The following IL18 variants were observed in gnomAD, a reference collection of about 807,000 sequenced individuals.
IL18 encodes the protein interleukin-18.
Under a neutral mutation model 14.2 loss-of-function variants are expected in IL18, and 8 were observed. The observed-to-expected ratio is 0.56, with a 90% CI of 0.33 to 1.01. IL18 has a LOEUF of 1.01. IL18 is among the 50% of genes least tolerant of loss of function. The pLI is 0.03. For missense variants in IL18, 166 were observed against 231.1 expected, an observed-to-expected ratio of 0.72 and a Z score of 1.83; for synonymous variants, 67 against 71.0, an observed-to-expected ratio of 0.94 and a Z score of 0.28.
At chr11:112,145,744 A>C (rs1866328286) in intron 5 of IL18, among the ~76,000 whole-genome samples, 1 of 142,512 alleles carries the variant, frequency 7.0e-6, no homozygotes, top group Non-Finnish European at 1.6e-5. Flanking sequence ...GTTTCAAAAA[A>C]AAAGAAAAAA....
intron 1 of IL18, among the ~76,000 whole-genome samples, chr11:112,157,670 T>G (rs1866556822): frequency 6.6e-6 from 1 of 152,122 alleles, no homozygotes; most frequent in Non-Finnish European, 1.5e-5. Context: ...AAGCAGGCAT[T>G]TTCAAGGCCA....
At chr11:112,162,383 C>T (rs1455984472) in intron 1 of IL18, among the ~76,000 whole-genome samples, 2 of 150,094 alleles carry the variant, frequency 1.3e-5, no homozygotes, top group Admixed American at 1.3e-4. Flanking sequence ...CTCTATCACC[C>T]AGGCTGGAGT....
At chr11:112,145,860 G>A (rs1866332290) in intron 5 of IL18, among the ~76,000 whole-genome samples, 1 of 152,176 alleles carries the variant, frequency 6.6e-6, no homozygotes, top group Admixed American at 6.5e-5. Flanking sequence ...ATAGAGGTAA[G>A]GACATCCTTG....
At chr11:112,160,587 GA>G (rs1753375698) in intron 1 of IL18, among the ~76,000 whole-genome samples, 1 of 152,140 alleles carries the variant, frequency 6.6e-6, no homozygotes, top group Admixed American at 6.5e-5. Context: ...CACCTGGAAA[GA>G]GCTTACCACA....
chr11:112,154,555 A>G (rs1866500772), intron 2 of IL18, among the ~76,000 whole-genome samples: 1 of 152,172 alleles, frequency 6.6e-6, no homozygotes, highest in South Asian at 2.1e-4. Context: ...ACATATTTAC[A>G]TAAAATGGTG....
chr11:112,145,611 C>T (rs1032249858), intron 5 of IL18, among the ~76,000 whole-genome samples: 2 of 152,104 alleles, frequency 1.3e-5, no homozygotes, highest in South Asian at 2.1e-4. Flanking sequence ...TGGTGGCAGG[C>T]GCCTGTAGTC....
At position 112,154,978 on chromosome 11, in the gene IL18, T is replaced by C; in HGVS notation, c.76A>G (p.Ile26Val). ...TGTTCTATGGCATTAGCCTTACCTA[T>C]AAAGTAAAGCGTATTGTCAATAAAT... ...MKFIDNTLYF[I>V]AEDDENLESD... is the part of the protein sequence containing the mutation. The change falls in exon 2 of 6, where the codon ATA (isoleucine) becomes GTA (valine). Residue 26 changes from isoleucine (I) to valine (V), a missense_variant. Transcript: ENST00000280357. 2 of 1,593,304 alleles carry C rather than the reference T, an allele frequency of 1.3e-6. No homozygotes were observed. Among genetic ancestry groups the C allele is most frequent in the South Asian group, 1.1e-5 (1 of 90,570 alleles).
chr11:112,156,987 C>T (rs1866545445), intron 1 of IL18, among the ~76,000 whole-genome samples: 1 of 152,004 alleles, frequency 6.6e-6, no homozygotes, highest in Non-Finnish European at 1.5e-5. Context: ...TAAGTCTAAA[C>T]ATTTTTCACC....
At chr11:112,146,381 T>C (rs1866343331) in intron 5 of IL18, among the ~76,000 whole-genome samples, 1 of 151,836 alleles carries the variant, frequency 6.6e-6, no homozygotes, top group Admixed American at 6.6e-5. Flanking sequence ...AGTGCAGTGG[T>C]GCGATCTCAG....
Position 112,143,598 on chromosome 11 carries a change from A to G in IL18, c.580T>C (p.Ter194GlnextTer14). The change falls in exon 6 of 6, where the codon TAG becomes CAG. Residue 194 changes from the stop codon to glutamine (Q), a stop_lost. Coordinates refer to ENST00000280357, the MANE Select transcript of IL18 (RefSeq NM_001562.4). The part of the protein sequence containing the change: ...SIMFTVQNED[*>Q] ...CGCCCGGCATGAAATTTTAATAGCT[A>G]GTCTTCGTTTTGAACAGTGAACATT... 1 of 1,600,936 alleles carries G rather than the reference A, an allele frequency of 6.2e-7. No individual in the cohort carries two copies. Among genetic ancestry groups the G allele is most frequent in the Non-Finnish European group, 8.5e-7 (1 of 1,170,056 alleles).
intron 1 of IL18, among the ~76,000 whole-genome samples, chr11:112,162,176 G>T (rs1866642905): frequency 6.6e-6 from 1 of 152,136 alleles, no homozygotes; most frequent in Admixed American, 6.5e-5. Flanking sequence ...TGGAACTGAT[G>T]TAGTTTAAAT....
intron 5 of IL18, among the ~76,000 whole-genome samples, chr11:112,146,752 C>A (rs116773425): frequency 7.9e-5 from 12 of 151,670 alleles, no homozygotes; most frequent in African/African-American, 1.9e-4. Flanking sequence ...TCTCTCCCCC[C>A]CTCCAACTAA....
intron 5 of IL18, among the ~76,000 whole-genome samples, chr11:112,145,055 G>A (rs45447391): frequency 2.6e-5 from 4 of 152,184 alleles, no homozygotes; most frequent in Non-Finnish European, 5.9e-5. Flanking sequence ...CCTCATGGCA[G>A]CACAGATTCC....
chr11:112,146,688 G>A (rs942836489), intron 5 of IL18, among the ~76,000 whole-genome samples: 1 of 151,978 alleles, frequency 6.6e-6, no homozygotes, highest in African/African-American at 2.4e-5. Flanking sequence ...CTTATTAGTG[G>A]CAGGAAAAGG....
intron 5 of IL18, among the ~76,000 whole-genome samples, chr11:112,146,195 GAC>G (rs1291481531): frequency 1.3e-5 from 2 of 152,064 alleles, no homozygotes; most frequent in Admixed American, 6.6e-5. Flanking sequence ...ATATGAAACA[GAC>G]ACTGACAGTA....
Position 112,144,924 on chromosome 11 carries a change from C to T in IL18, c.361-1107G>A, listed in dbSNP as rs5744285. Among the ~76,000 whole-genome samples the T allele has an allele frequency of 5.3e-3, 802 of 152,360 alleles. 7 individuals are homozygous for T. The highest frequency in any genetic ancestry group is 0.018 in the African/African-American group (742 of 41,588). ...CAGGTTATCCAACTGGTAGTGCTGC[C>T]TGCACTTTTCCTGTTAGTGCAGCAT... On this transcript the variant is annotated intron_variant, in intron 5 of 5. Coordinates refer to ENST00000280357, the MANE Select transcript of IL18 (RefSeq NM_001562.4).
intron 1 of IL18, among the ~76,000 whole-genome samples, chr11:112,163,498 C>T (rs1242648689): frequency 6.6e-6 from 1 of 152,102 alleles, no homozygotes; most frequent in African/African-American, 2.4e-5. Context: ...TTGCAATAGT[C>T]TGAATGCAAA....
rs556403789 is a variant in IL18, at chr11:112,149,653, T to C, written c.226+419A>G. ...TGGCTATTCACAGGTACGATCACAG[T>C]GTACTACAGCCTCAAAGTCCTGGCC... On this transcript the variant is annotated intron_variant, in intron 4 of 5. Coordinates refer to ENST00000280357, the MANE Select transcript of IL18 (RefSeq NM_001562.4). 6.7e-5 allele frequency among the ~76,000 whole-genome samples: 10 copies of C among 148,658 alleles called. No individual in the cohort carries two copies. The South Asian group carries it at 1.9e-3, about 29-fold the overall frequency.
At chr11:112,154,156 GC>G (rs1280693449) in intron 2 of IL18, among the ~76,000 whole-genome samples, 1 of 152,056 alleles carries the variant, frequency 6.6e-6, no homozygotes, top group Non-Finnish European at 1.5e-5. Context: ...TGTTGCTCAG[GC>G]TTTTAAATGA....
Sources: gnomAD v4.1 joint callset for allele counts (sites outside exome capture counted in the v4.1 genomes callset) on GRCh38, gnomAD v4.1.1 for gene constraint, MANE v1.5 for transcripts, NCBI Gene and HGNC (gene_info 2026-07-23, HGNC 2026-07-21) for gene names.